RAD51B: variants seen among roughly 807,000 people sequenced by gnomAD.
RAD51B encodes RAD51 paralog B, also known as DNA repair protein RAD51 homolog 2.
Under a neutral mutation model 42.2 loss-of-function variants are expected in RAD51B, and 38 were observed. The ratio of observed to expected loss-of-function variants is 0.90; its 90% CI spans 0.70 to 1.18. The LOEUF (loss-of-function observed/expected upper bound fraction) is 1.18, where lower values mean the gene tolerates loss of function less well. Ranked by LOEUF, RAD51B falls within the 50% of genes most tolerant of loss-of-function variation. The pLI, the probability that RAD51B is intolerant of heterozygous loss-of-function variation, is 0.00. For synonymous variants in RAD51B, 154 were observed against 145.2 expected (o/e 1.06, Z -0.43); for missense variants, 373 against 400.7 (o/e 0.93, Z 0.59).
chr14:67,949,774 C>G (rs2074408769), intron 7 of RAD51B, among the ~76,000 whole-genome samples: 1 of 152,070 alleles, frequency 6.6e-6, no homozygotes, highest in Admixed American at 6.5e-5. Context: ...GAAATTATTC[C>G]TTGATCCATG....
At chr14:68,188,087 T>G (rs2079192137) in intron 7 of RAD51B, among the ~76,000 whole-genome samples, 1 of 152,194 alleles carries the variant, frequency 6.6e-6, no homozygotes, top group Non-Finnish European at 1.5e-5. Context: ...AGTGCTGGGA[T>G]TACAGGCCTG....
At chr14:68,245,698 C>T (rs1197258012) in intron 7 of RAD51B, among the ~76,000 whole-genome samples, 3 of 152,206 alleles carry the variant, frequency 2.0e-5, no homozygotes, top group African/African-American at 7.2e-5. Context: ...TTGAATAGGG[C>T]TCTAATCCCA....
chr14:68,645,241 A>G (rs569963561), intron 10 of RAD51B, among the ~76,000 whole-genome samples: 10 of 152,292 alleles, frequency 6.6e-5, no homozygotes, highest in African/African-American at 2.4e-4. Context: ...GAGTGGAATC[A>G]TATAGCATTT....
At chr14:68,468,794 C>T (rs1344761561) in intron 10 of RAD51B, among the ~76,000 whole-genome samples, 5 of 152,170 alleles carry the variant, frequency 3.3e-5, no homozygotes, top group African/African-American at 9.7e-5. Context: ...GGACCTGCAC[C>T]TTGTGACGTG....
At chr14:67,894,311 G>A (rs1268594063) in intron 7 of RAD51B, among the ~76,000 whole-genome samples, 2 of 152,180 alleles carry the variant, frequency 1.3e-5, no homozygotes, top group African/African-American at 4.8e-5. Context: ...GAAGAATCAT[G>A]TCTTATTCAC....
At chr14:68,613,295 G>A (rs557538675), downstream of RAD51B, among the ~76,000 whole-genome samples, 2 of 152,014 alleles carry the variant, frequency 1.3e-5, no homozygotes, top group Non-Finnish European at 2.9e-5. Flanking sequence ...ACTCACGCCT[G>A]TAATCCCAGC....
intron 10 of RAD51B, among the ~76,000 whole-genome samples, chr14:68,608,285 C>A (rs1487776247): frequency 4.6e-5 from 7 of 152,206 alleles, no homozygotes; most frequent in African/African-American, 1.7e-4. Flanking sequence ...CTGAGCTGAA[C>A]AAATTGCGAG....
intron 9 of RAD51B, among the ~76,000 whole-genome samples, chr14:68,443,461 G>A (rs576972079): frequency 2.0e-5 from 3 of 152,250 alleles, no homozygotes; most frequent in Admixed American, 6.5e-5. Flanking sequence ...ACATATCAAC[G>A]TAGCTTTTAA....
intron 8 of RAD51B, among the ~76,000 whole-genome samples, chr14:68,316,304 T>C (rs929516954): frequency 6.6e-6 from 1 of 152,208 alleles, no homozygotes; most frequent in African/African-American, 2.4e-5. Flanking sequence ...GACAAACAAA[T>C]GGAATTGGTT....
rs1315643088 is a variant in RAD51B, at chr14:68,422,099, G to A, written c.957+10572G>A. 7 of 1,485,466 alleles carry A rather than the reference G, an allele frequency of 4.7e-6. No homozygotes were observed. In the East Asian group the frequency reaches 1.6e-4, roughly 34 times the overall value. The allele number at this position is 1,485,466 out of a possible 1,614,324, so 92.0% of individuals were successfully genotyped here. ...AGTGCTCGGAGCACGAAAATTTTCT[G>A]CTGTCTTTGGGATCTTGTCTGCAAA... is the stretch of plus-strand genomic sequence containing the variant. On this transcript the variant is annotated intron_variant, in intron 9 of 10. Coordinates refer to ENST00000471583, the MANE Select transcript of RAD51B (RefSeq NM_133510.4).
In RAD51B at chr14:68,636,146, C is replaced by A. The variant is rs560258756; in HGVS notation, c.1037-14635C>A. ...ATGTCATGGATCCACTGTACTTTGT[C>A]TGAAGAAGGGGAGGCCCGACTGGGG... On this transcript the variant is annotated intron_variant, in intron 10 of 11. Coordinates refer to the RAD51B transcript ENST00000488612. Among the ~76,000 whole-genome samples, 3 of 152,282 alleles carry A rather than the reference C, an allele frequency of 2.0e-5. No individual in the cohort carries two copies. The South Asian group carries it at 6.2e-4, about 32-fold the overall frequency.
chr14:68,515,507 G>A (rs1886081150), intron 10 of RAD51B, among the ~76,000 whole-genome samples: 1 of 145,802 alleles, frequency 6.9e-6, no homozygotes, highest in African/African-American at 2.5e-5. Flanking sequence ...GGAGTGCAGT[G>A]GTGCAATCAC....
intron 9 of RAD51B, among the ~76,000 whole-genome samples, chr14:68,418,422 A>G (rs1290976763): frequency 1.3e-5 from 2 of 152,154 alleles, no homozygotes; most frequent in African/African-American, 2.4e-5. Flanking sequence ...CTAGCATTTT[A>G]TCACCTCTGT....
chr14:68,368,758 C>G (rs185496415), intron 8 of RAD51B, among the ~76,000 whole-genome samples: 1 of 152,322 alleles, frequency 6.6e-6, no homozygotes, highest in African/African-American at 2.4e-5. Flanking sequence ...ACAGCCATAC[C>G]TACTTCCCAA....
chr14:68,220,432 C>A (rs111723636), intron 7 of RAD51B, among the ~76,000 whole-genome samples: 1 of 152,158 alleles, frequency 6.6e-6, no homozygotes, highest in Non-Finnish European at 1.5e-5. Flanking sequence ...ATGATTAATA[C>A]CCTCAGCAAA....
intron 8 of RAD51B, among the ~76,000 whole-genome samples, chr14:68,396,211 T>C (rs1279384499): frequency 1.3e-5 from 2 of 152,238 alleles, no homozygotes; most frequent in African/African-American, 4.8e-5. Flanking sequence ...ATACTTCGTA[T>C]GGTCGTTGAG....
chr14:67,937,025 T>C (rs1183282333), intron 7 of RAD51B, among the ~76,000 whole-genome samples: 1 of 152,222 alleles, frequency 6.6e-6, no homozygotes, highest in African/African-American at 2.4e-5. Context: ...TTCTGTCCTT[T>C]TACTTTCTTG....
At chr14:68,457,871 C>A (rs376026264) in intron 9 of RAD51B, among the ~76,000 whole-genome samples, 1 of 150,014 alleles carries the variant, frequency 6.7e-6, no homozygotes, top group Non-Finnish European at 1.5e-5. Context: ...CCTCAGCCTC[C>A]CAAAGTGCTG....
At chr14:68,630,083 C>T (rs1320536485) in intron 10 of RAD51B, among the ~76,000 whole-genome samples, 1 of 152,198 alleles carries the variant, frequency 6.6e-6, no homozygotes, top group Non-Finnish European at 1.5e-5. Context: ...CAGTAAGAAG[C>T]TTTGGAAAAA....
Sources: allele counts gnomAD v4.1 joint callset (sites outside exome capture counted in the v4.1 genomes callset), GRCh38; gene constraint gnomAD v4.1.1; transcripts MANE v1.5; gene names NCBI Gene and HGNC (gene_info 2026-07-23, HGNC 2026-07-21).